TLN1: variants seen among roughly 807,000 people sequenced by gnomAD.
TLN1 encodes talin-1.
Under a neutral mutation model 292.3 loss-of-function variants are expected in TLN1, and 56 were observed. That is an observed-to-expected ratio of 0.19 (90% CI 0.15 to 0.24). The LOEUF (loss-of-function observed/expected upper bound fraction) is 0.24, where lower values mean the gene tolerates loss of function less well. Ranked by LOEUF, TLN1 falls within the 10% of genes least tolerant of loss-of-function variation. The pLI is 1.00. For synonymous variants in TLN1, 1,119 were observed against 1,253.7 expected (o/e 0.89, Z 2.27); for missense variants, 2,433 against 3,248.2 (o/e 0.75, Z 6.10).
Position 35,722,181 on chromosome 9 carries a change from C to T in TLN1, c.886G>A (p.Val296Ile). The change falls in exon 9 of 57, where the codon GTC (valine) becomes ATC (isoleucine). Residue 296 changes from valine (V) to isoleucine (I), a missense_variant. Val to Ile is a conservative substitution (Grantham distance 29, BLOSUM62 3). Transcript: ENST00000314888. ...CGQMSEIEAK[V>I]RYVKLARSLK... Reference sequence around the variant, plus strand: ...GAACGGGCTAGCTTCACGTAGCGGACCTTGGCCTCAATCTCACTCATCTGC... The same window carrying T: ...GAACGGGCTAGCTTCACGTAGCGGATCTTGGCCTCAATCTCACTCATCTGC... 1 of 1,614,190 alleles carries T rather than the reference C, an allele frequency of 6.2e-7. No homozygotes were observed. The highest frequency in any genetic ancestry group is 8.5e-7 in the Non-Finnish European group (1 of 1,180,036).
Position 35,717,773 on chromosome 9 carries a change from T to C in TLN1, c.2009A>G (p.Gln670Arg), listed in dbSNP as rs758650652. 27 of 1,603,792 alleles carry C rather than the reference T, an allele frequency of 1.7e-5. No homozygotes were observed. In the Admixed American group the frequency reaches 4.5e-4, roughly 27 times the overall value. ...TDPHFQDALM[Q>R]LAKAVASAAA... ...AGCACTTGCCACAGCTTTGGCGAGC[T>C]GCATTAGCGCATCCTGTGAGAAAAC... The change falls in exon 18 of 57, where the codon CAG (glutamine) becomes CGG (arginine). Residue 670 changes from glutamine to arginine, a missense_variant. Transcript: ENST00000314888. The surrounding 1 kb of genome is among the most constrained non-coding windows in gnomAD (Gnocchi z 4.7).
intron 1 of TLN1, among the ~76,000 whole-genome samples, chr9:35,730,587 G>A (rs1293284371): frequency 6.6e-6 from 1 of 152,118 alleles, no homozygotes; most frequent in African/African-American, 2.4e-5. Flanking sequence ...AATTTAAAAT[G>A]ATGGGAAAGC....
chr9:35,723,159 T>G, intron 7 of TLN1: 2 of 368,778 alleles, frequency 5.4e-6, no homozygotes, highest in Non-Finnish European at 5.1e-6. Flanking sequence ...TGGAGTGCAA[T>G]GGCACGATCT....
At chr9:35,721,549 A>G in intron 10 of TLN1, 99 bp downstream of exon 10, 2 of 1,350,508 alleles carry the variant, frequency 1.5e-6, no homozygotes, top group Non-Finnish European at 1.0e-6. Flanking sequence ...TTCTGGAGTA[A>G]TACTCAGTAT....
intron 11 of TLN1, 134 bp downstream of exon 11, chr9:35,720,678 T>C: frequency 2.9e-6 from 3 of 1,018,172 alleles, no homozygotes; most frequent in Non-Finnish European, 4.4e-6. Flanking sequence ...CAGGCTGGAG[T>C]GCAGAGGCAA....
At position 35,700,319 on chromosome 9, in the gene TLN1, T is replaced by C; in HGVS notation, c.6532A>G (p.Met2178Val). 1 of 1,612,060 alleles carries C rather than the reference T, an allele frequency of 6.2e-7. No homozygotes were observed. The highest frequency in any genetic ancestry group is 2.2e-5 in the East Asian group (1 of 44,828). ...GTTGCCATGGTGATACCCTTGGTCA[T>C]TCGGATGAAGTCTTCTGGGGTAGAG... ...KTSTPEDFIR[M>V]TKGITMATAK... Residue 2178 changes from methionine (M) to valine (V), a missense_variant, in exon 49 of 57, where the codon ATG becomes GTG. Transcript: ENST00000314888.
At chr9:35,708,537 T>C in intron 33 of TLN1, 53 bp from the exon 34 acceptor site, 1 of 1,479,782 alleles carries the variant, frequency 6.8e-7, no homozygotes, top group Non-Finnish European at 9.0e-7. Flanking sequence ...AGGTGGGAAA[T>C]GAATAGTGAT....
Position 35,698,999 on chromosome 9 carries a change from G to C in TLN1, c.6999+33C>G, listed in dbSNP as rs1825417321. On this transcript the variant is annotated intron_variant, in intron 52 of 56. Transcript: ENST00000314888. This position sits in a 1 kb window ranked among gnomAD's most constrained non-coding sequence, Gnocchi z 5.3. ...AGATGAAGGTGGGGACACTGCCATG[G>C]TGAGGGTGGAAGAGGAAGGGAGCAG... The C allele has an allele frequency of 6.2e-7, 1 of 1,608,778 alleles. No individual in the cohort carries two copies. Among genetic ancestry groups the C allele is most frequent in the South Asian group, 1.1e-5 (1 of 90,974 alleles).
intron 20 of TLN1, among the ~76,000 whole-genome samples, chr9:35,715,427 T>C (rs186278937): frequency 6.6e-6 from 1 of 152,358 alleles, no homozygotes; most frequent in East Asian, 1.9e-4. Context: ...GGAATTGTTT[T>C]GTCTTCCCCT....
chr9:35,709,007 CTAA>C (rs1825612946), intron 33 of TLN1, among the ~76,000 whole-genome samples: 2 of 152,222 alleles, frequency 1.3e-5, no homozygotes, highest in South Asian at 4.1e-4. Context: ...AAAGAACATC[CTAA>C]TGTTTGATTC....
Position 35,705,945 on chromosome 9 carries a change from C to A in TLN1, c.5511+17G>T, listed in dbSNP as rs1326760587. The A allele has an allele frequency of 6.2e-7, 1 of 1,614,060 alleles. No homozygotes were observed. Among genetic ancestry groups the A allele is most frequent in the Admixed American group, 1.7e-5 (1 of 60,030 alleles). ...CCAGGGTAGCCTCAGTGTCCAAAGGCACCCCAAGACTCTAACCTGGTTGAT... is the reference window on the plus strand; with the variant it reads ...CCAGGGTAGCCTCAGTGTCCAAAGGAACCCCAAGACTCTAACCTGGTTGAT... On this transcript the variant is annotated intron_variant, in intron 41 of 56. Transcript: ENST00000314888.
At position 35,703,883 on chromosome 9, in the gene TLN1, T is replaced by C. The variant is rs1825512378; in HGVS notation, c.6249A>G (p.Ala2083=). The C allele has an allele frequency of 1.2e-6, 2 of 1,614,100 alleles. No homozygotes were observed. Among genetic ancestry groups the C allele is most frequent in the Non-Finnish European group, 1.7e-6 (2 of 1,180,050 alleles). The stretch of plus-strand genomic sequence containing the variant: ...CCAGGGCTTTGGCTACATCTTTCAC[T>C]GCGTTGATTAGTACCACCTGTGTGG... ...DPETQVVLIN[A]VKDVAKALGD... The change falls in exon 47 of 57, where the codon GCA becomes GCG. Residue 2083 remains alanine, a synonymous_variant. Coordinates refer to ENST00000314888, the MANE Select transcript of TLN1 (RefSeq NM_006289.4).
chr9:35,711,554 T>C, intron 29 of TLN1, 41 bp downstream of exon 29: 1 of 1,613,070 alleles, frequency 6.2e-7, no homozygotes, highest in Non-Finnish European at 8.5e-7. Context: ...TATCTAACCC[T>C]TAGTGGGAAC....
rs893142621 is a variant in TLN1 at position 35,707,940 on chromosome 9, A to T, written c.4471-48T>A. The stretch of plus-strand genomic sequence containing the variant: ...CACGATGAGGGCAGGAAGGAGGTGT[A>T]CATACCCAAGGAGGAGCCATTTTAG... On this transcript the variant is annotated intron_variant, in intron 34 of 56. Coordinates refer to ENST00000314888, the MANE Select transcript of TLN1 (RefSeq NM_006289.4). This position sits in a 1 kb window ranked among gnomAD's most constrained non-coding sequence, Gnocchi z 5.6. 2.3e-5 allele frequency: 36 copies of T among 1,600,000 alleles called. No homozygotes were observed. The highest frequency in any genetic ancestry group is 2.9e-5 in the Non-Finnish European group (34 of 1,170,212).
At chr9:35,716,768 C>T (rs1029894508) in intron 19 of TLN1, among the ~76,000 whole-genome samples, 7 of 152,050 alleles carry the variant, frequency 4.6e-5, no homozygotes, top group Non-Finnish European at 8.8e-5. Context: ...TGGGTTCTTA[C>T]GGGAGAAGGA....
In TLN1 at chr9:35,702,003, G is replaced by A. The variant is rs191265249; in HGVS notation, c.6474+1557C>T. On this transcript the variant is annotated intron_variant, in intron 48 of 56. Transcript: ENST00000314888. Reference sequence around the variant, plus strand: ...AATTAGAAAGATGAGTAGGGAGAGAGGAGAGTGGCAGGGACCAGAAGCAGG... The same window carrying A: ...AATTAGAAAGATGAGTAGGGAGAGAAGAGAGTGGCAGGGACCAGAAGCAGG... Among the ~76,000 whole-genome samples, 205 of 152,316 alleles carry A rather than the reference G, an allele frequency of 1.3e-3. 2 individuals carry two copies. Among genetic ancestry groups the A allele is most frequent in the Non-Finnish European group, 2.0e-3 (139 of 68,014 alleles).
chr9:35,713,245 G>T lies in TLN1; in HGVS notation c.3303C>A (p.Ala1101=). The T allele has an allele frequency of 1.2e-6, 2 of 1,600,184 alleles. No individual in the cohort carries two copies. Among genetic ancestry groups the T allele is most frequent in the Admixed American group, 1.7e-5 (1 of 59,820 alleles). Residue 1101 remains alanine, a synonymous_variant, in exon 26 of 57, where the codon GCC becomes GCA. Transcript: ENST00000314888. ...LGNSTKAVSS[A]IAQLLGEVAQ... is the part of the protein sequence containing the mutation. ...CAACCTCTCCCAGTAGCTGGGCGATGGCTGAGCTCACGGCTTTGGTGCTGT... is the reference window on the plus strand; with the variant it reads ...CAACCTCTCCCAGTAGCTGGGCGATTGCTGAGCTCACGGCTTTGGTGCTGT...
At chr9:35,715,222 C>T (rs1221601784) in intron 20 of TLN1, 35 bp from the exon 21 acceptor site, 1 of 1,602,142 alleles carries the variant, frequency 6.2e-7, no homozygotes, top group African/African-American at 1.3e-5. Flanking sequence ...CATCACCCAG[C>T]TCTCCTGTGG....
At chr9:35,720,016 C>T (rs563375628) in intron 13 of TLN1, 23 bp downstream of exon 13, 8 of 1,577,128 alleles carry the variant, frequency 5.1e-6, no homozygotes, top group Non-Finnish European at 6.9e-6. Context: ...GCCCTGGCAC[C>T]GTGGTGGAAG....
Sources: gnomAD v4.1 joint callset for allele counts (sites outside exome capture counted in the v4.1 genomes callset) on GRCh38, gnomAD v4.1.1 for gene constraint, Gnocchi (gnomAD v3.1) non-coding constraint, MANE v1.5 for transcripts, NCBI Gene and HGNC (gene_info 2026-07-23, HGNC 2026-07-21) for gene names.